Variants in EXOC6B observed in about 807,000 individuals in gnomAD.
EXOC6B encodes exocyst complex component 6B, also known as SEC15 homolog B.
EXOC6B carries 54 observed loss-of-function variants against 113.5 expected under a neutral mutation model. That is an observed-to-expected ratio of 0.48 (90% CI 0.38 to 0.60). The LOEUF (loss-of-function observed/expected upper bound fraction) is 0.60. EXOC6B is among the 20% of genes least tolerant of loss of function. EXOC6B has a pLI of 0.00. For synonymous variants in EXOC6B, 357 were observed against 339.0 expected, an observed-to-expected ratio of 1.05 and a Z score of -0.58; for missense variants, 797 against 977.5, an observed-to-expected ratio of 0.82 and a Z score of 2.46.
intron 1 of EXOC6B, among the ~76,000 whole-genome samples, chr2:72,764,281 T>G (rs1682927172): frequency 6.6e-6 from 1 of 151,860 alleles, no homozygotes; most frequent in Non-Finnish European, 1.5e-5. Flanking sequence ...ATAGTTATGC[T>G]TTTGTTTCTT....
In EXOC6B at chr2:72,249,895, T is replaced by C. The variant is rs140848602; in HGVS notation, c.2197-65708A>G. On this transcript the variant is annotated intron_variant, in intron 20 of 21. Transcript: ENST00000272427. ...TGGTAGCTTCATACATATTGGTAGT[T>C]CAACTTAATATAATAGCTTTATCAA... Among the ~76,000 whole-genome samples the C allele has an allele frequency of 1.1e-4, 16 of 152,308 alleles. No homozygotes were observed. The East Asian group carries it at 2.9e-3, about 28-fold the overall frequency.
intron 6 of EXOC6B, among the ~76,000 whole-genome samples, chr2:72,713,626 C>T (rs929986409): frequency 2.7e-5 from 4 of 148,408 alleles, no homozygotes; most frequent in African/African-American, 7.4e-5. Flanking sequence ...TGTTCCCCTT[C>T]CTGTGTCCAT....
chr2:72,535,579 T>G (rs1399632403), intron 8 of EXOC6B, among the ~76,000 whole-genome samples: 4 of 151,946 alleles, frequency 2.6e-5, no homozygotes, highest in Non-Finnish European at 5.9e-5. Context: ...AGATAAGAAA[T>G]ATACAAAATC....
At position 72,721,530 on chromosome 2, in the gene EXOC6B, A is replaced by C. The variant is rs138773549; in HGVS notation, c.465-3223T>G. Among the ~76,000 whole-genome samples the C allele has an allele frequency of 3.9e-3, 586 of 152,032 alleles. 4 individuals carry two copies. Among genetic ancestry groups the C allele is most frequent in the African/African-American group, 0.013 (550 of 41,520 alleles). On this transcript the variant is annotated intron_variant, in intron 5 of 21. Transcript: ENST00000272427. ...TAATTTGTAATACATCAGGGGTTTC[A>C]ATAATGGAATTCACAGCCAGCTGAC...
intron 6 of EXOC6B, among the ~76,000 whole-genome samples, chr2:72,704,003 C>A (rs1678639978): frequency 6.6e-6 from 1 of 151,960 alleles, no homozygotes; most frequent in Non-Finnish European, 1.5e-5. Context: ...GAACTCTCCA[C>A]CCCAAATCAA....
intron 19 of EXOC6B, among the ~76,000 whole-genome samples, chr2:72,363,221 C>T (rs1257666919): frequency 6.6e-6 from 1 of 152,020 alleles, no homozygotes; most frequent in Non-Finnish European, 1.5e-5. Context: ...TTTCATCACA[C>T]CTAGTAAATT....
At chr2:72,606,838 C>T (rs1220382598) in intron 6 of EXOC6B, among the ~76,000 whole-genome samples, 2 of 151,686 alleles carry the variant, frequency 1.3e-5, no homozygotes, top group Non-Finnish European at 1.5e-5. Context: ...CTTGAACTCC[C>T]GACCTCAAGT....
At chr2:72,298,914 A>ATTTTTTCCTT (rs1686322867) in intron 20 of EXOC6B, among the ~76,000 whole-genome samples, 1 of 152,068 alleles carries the variant, frequency 6.6e-6, no homozygotes, top group Non-Finnish European at 1.5e-5. Flanking sequence ...GCTGTCCTTA[A>ATTTTTTCCTT]CATTTTTTCC....
At chr2:72,575,987 C>A (rs1436605203) in intron 6 of EXOC6B, among the ~76,000 whole-genome samples, 1 of 152,040 alleles carries the variant, frequency 6.6e-6, no homozygotes, top group Non-Finnish European at 1.5e-5. Context: ...TCCATTAAAT[C>A]ATCACAAAAA....
rs886592279 is a variant in EXOC6B at position 72,623,227 on chromosome 2, T to C, written c.670-47559A>G. 3.9e-5 allele frequency among the ~76,000 whole-genome samples: 6 copies of C among 152,246 alleles called. No homozygotes were observed. The East Asian group carries it at 1.2e-3, about 29-fold the overall frequency. On this transcript the variant is annotated intron_variant, in intron 6 of 21. Transcript: ENST00000272427. ...CTCCTCTTCTCAGTCTACAGTGGGG[T>C]GTTCTCTTCCAAGGTCATATCTTCA... is the stretch of plus-strand genomic sequence containing the variant.
chr2:72,404,798 C>T (rs193213232), intron 18 of EXOC6B, among the ~76,000 whole-genome samples: 27 of 152,240 alleles, frequency 1.8e-4, no homozygotes, highest in Non-Finnish European at 2.6e-4. Context: ...AAAATCAGAG[C>T]GCCTTTCCTC....
Position 72,265,056 on chromosome 2 carries a change from G to A in EXOC6B, c.2196+69891C>T, listed in dbSNP as rs368687906. 1.8e-4 allele frequency among the ~76,000 whole-genome samples: 27 copies of A among 151,868 alleles called. 1 individual carries two copies. Among genetic ancestry groups the A allele is most frequent in the African/African-American group, 5.1e-4 (21 of 41,444 alleles). On this transcript the variant is annotated intron_variant, in intron 20 of 21. Coordinates refer to ENST00000272427, the MANE Select transcript of EXOC6B (RefSeq NM_015189.3). ...CTAGGTAACAAGCAGAGGTTGGAAC[G>A]GTTTAGAGGGCTTAGAAGAAGACAG...
At chr2:72,239,480 A>G (rs1682170388) in intron 20 of EXOC6B, among the ~76,000 whole-genome samples, 2 of 152,216 alleles carry the variant, frequency 1.3e-5, no homozygotes, top group Admixed American at 1.3e-4. Context: ...TCAAAAGTTA[A>G]TTGGCCATAA....
chr2:72,505,405 T>C (rs1053754823), intron 11 of EXOC6B, among the ~76,000 whole-genome samples: 2 of 152,168 alleles, frequency 1.3e-5, no homozygotes, highest in Admixed American at 6.5e-5. Context: ...GTGAGACTGT[T>C]TGAAGGTCCA....
chr2:72,746,024 G>A (rs1301388915), intron 1 of EXOC6B, among the ~76,000 whole-genome samples: 1 of 152,004 alleles, frequency 6.6e-6, no homozygotes, highest in East Asian at 1.9e-4. Context: ...AAGTAAACAG[G>A]ACCGCTTAAA....
chr2:72,221,248 C>T (rs1336449582), intron 20 of EXOC6B, among the ~76,000 whole-genome samples: 1 of 152,180 alleles, frequency 6.6e-6, no homozygotes, highest in East Asian at 1.9e-4. Context: ...CCAGGATTGA[C>T]ATTCAGTTGG....
At chr2:72,653,970 ATT>A (rs58589218) in intron 6 of EXOC6B, among the ~76,000 whole-genome samples, 81,383 of 135,988 alleles carry the variant, frequency 0.6, 27,642 homozygotes, top group East Asian at 0.97. Context: ...AATTTTATTT[ATT>A]TTTTTTTTTT....
chr2:72,437,749 A>G (rs1309278056), intron 18 of EXOC6B, among the ~76,000 whole-genome samples: 2 of 152,190 alleles, frequency 1.3e-5, no homozygotes, highest in African/African-American at 4.8e-5. Flanking sequence ...CACTGAATTA[A>G]CAATTTGCTC....
chr2:72,549,135 TTAAAG>T (rs1187281338), intron 8 of EXOC6B, among the ~76,000 whole-genome samples: 17 of 152,148 alleles, frequency 1.1e-4, no homozygotes, highest in African/African-American at 2.4e-4. Context: ...TTTAGTATCA[TTAAAG>T]TAAAGTAAGA....
Sources: allele counts gnomAD v4.1 joint callset (sites outside exome capture counted in the v4.1 genomes callset), GRCh38; gene constraint gnomAD v4.1.1; transcripts MANE v1.5; gene names NCBI Gene and HGNC (gene_info 2026-07-23, HGNC 2026-07-21).